The following PRIM2 variants were observed in gnomAD, a reference collection of about 807,000 sequenced individuals.
The protein encoded by PRIM2 is DNA primase large subunit.
In PRIM2, 39 loss-of-function variants were observed where a neutral mutation model predicts 67.3. The ratio of observed to expected loss-of-function variants is 0.58; its 90% CI spans 0.45 to 0.76. The LOEUF (loss-of-function observed/expected upper bound fraction) is 0.76, where lower values mean the gene tolerates loss of function less well. Among genes scored for constraint, PRIM2 ranks in the 30% least tolerant of loss-of-function variants. PRIM2 has a pLI of 0.00. For synonymous variants in PRIM2, 143 were observed against 198.7 expected, an observed-to-expected ratio of 0.72 and a Z score of 2.36; for missense variants, 398 against 598.7, an observed-to-expected ratio of 0.66 and a Z score of 3.50.
chr6:57,354,420 G>A (rs557595232), intron 5 of PRIM2, among the ~76,000 whole-genome samples: 59 of 152,198 alleles, frequency 3.9e-4, no homozygotes, highest in Admixed American at 2.2e-3. Context: ...ATGAAATTGA[G>A]CTTAATTTGT....
intron 10 of PRIM2, among the ~76,000 whole-genome samples, chr6:57,591,688 G>A (rs1367442125): frequency 5.3e-5 from 8 of 152,192 alleles, no homozygotes; most frequent in African/African-American, 9.7e-5. Flanking sequence ...TGGCGAGATC[G>A]TGGAGAAAAG....
At chr6:57,541,152 C>A (rs1444205282) in intron 10 of PRIM2, among the ~76,000 whole-genome samples, 4 of 152,174 alleles carry the variant, frequency 2.6e-5, no homozygotes, top group African/African-American at 9.7e-5. Flanking sequence ...GGTTGAGTGC[C>A]ATGTCAGACA....
At chr6:57,273,272 C>T in the PRIM2 span, among the ~76,000 whole-genome samples, 20 of 152,318 alleles carry the variant, frequency 1.3e-4, no homozygotes, top group East Asian at 3.9e-4. Context: ...ACTGATCAGA[C>T]GCAGATTTGG....
intron 10 of PRIM2, among the ~76,000 whole-genome samples, chr6:57,550,567 T>C (rs1775382328): frequency 6.6e-6 from 1 of 152,208 alleles, no homozygotes; most frequent in Non-Finnish European, 1.5e-5. Flanking sequence ...AAATACTTTT[T>C]AATTCTTAAA....
In PRIM2 at chr6:57,645,337, A is replaced by T. The variant is rs1198422194; in HGVS notation, c.1300-591A>T. On this transcript the variant is annotated intron_variant, in intron 13 of 13. Transcript: ENST00000615550. ...CAATGTCATTCACACACACACACAC[A>T]CACACACACACACACACACACACAC... is the stretch of plus-strand genomic sequence containing the variant. Among the ~76,000 whole-genome samples the T allele has an allele frequency of 4.7e-5, 7 of 148,246 alleles. No homozygotes were observed. The East Asian group carries it at 1.4e-3, about 30-fold the overall frequency.
At chr6:57,290,194 T>C in the PRIM2 span, among the ~76,000 whole-genome samples, 1 of 150,096 alleles carries the variant, frequency 6.7e-6, no homozygotes, top group Admixed American at 6.6e-5. Flanking sequence ...TTAAATCCAC[T>C]GCAGTCTCTG....
intron 10 of PRIM2, among the ~76,000 whole-genome samples, chr6:57,571,019 A>G (rs1318207194): frequency 7.9e-5 from 12 of 152,340 alleles, no homozygotes; most frequent in South Asian, 2.1e-4. Context: ...TTTGATTTAC[A>G]TAATGATAAA....
intron 12 of PRIM2, among the ~76,000 whole-genome samples, chr6:57,613,642 A>G (rs1776703444): frequency 1.3e-5 from 2 of 152,104 alleles, no homozygotes; most frequent in African/African-American, 2.4e-5. Context: ...GATCTGGTGG[A>G]AGACATGACA....
chr6:57,426,164 C>T (rs1444585747), intron 7 of PRIM2, among the ~76,000 whole-genome samples: 2 of 152,122 alleles, frequency 1.3e-5, no homozygotes, highest in Non-Finnish European at 2.9e-5. Flanking sequence ...ATACACTCAT[C>T]ATATAAGTAT....
At chr6:57,278,325 A>T in the PRIM2 span, among the ~76,000 whole-genome samples, 6 of 150,808 alleles carry the variant, frequency 4.0e-5, no homozygotes, top group Non-Finnish European at 5.9e-5. Flanking sequence ...AGACTGTTTA[A>T]AAAAAAAAAT....
At chr6:57,582,089 T>G (rs1407035149) in intron 10 of PRIM2, among the ~76,000 whole-genome samples, 1 of 152,200 alleles carries the variant, frequency 6.6e-6, no homozygotes, top group Admixed American at 6.5e-5. Flanking sequence ...CCTCCCAAAG[T>G]GCTGGGATTA....
At chr6:57,645,314 A>G (rs1483600492) in intron 13 of PRIM2, among the ~76,000 whole-genome samples, 4 of 120,130 alleles carry the variant, frequency 3.3e-5, no homozygotes, top group South Asian at 2.9e-4. Context: ...CTAACATACA[A>G]TGTCATTCAC....
At chr6:57,341,269 A>C (rs956449415) in intron 5 of PRIM2, among the ~76,000 whole-genome samples, 3 of 152,152 alleles carry the variant, frequency 2.0e-5, no homozygotes, top group African/African-American at 7.2e-5. Context: ...TGTTTATTAG[A>C]ACGTCGGTGG....
chr6:57,450,722 G>A (rs1448577914), intron 7 of PRIM2, among the ~76,000 whole-genome samples: 4 of 152,310 alleles, frequency 2.6e-5, no homozygotes, highest in African/African-American at 9.6e-5. Context: ...GATTTATAAA[G>A]CATGTGCTTT....
chr6:57,591,507 T>G (rs1301254656), intron 10 of PRIM2, among the ~76,000 whole-genome samples: 3 of 152,178 alleles, frequency 2.0e-5, no homozygotes, highest in Non-Finnish European at 4.4e-5. Flanking sequence ...TGAGTAATAA[T>G]GAGGTCACTT....
At chr6:57,636,262 C>G (rs1411260007) in intron 13 of PRIM2, among the ~76,000 whole-genome samples, 1 of 152,156 alleles carries the variant, frequency 6.6e-6, no homozygotes, top group African/African-American at 2.4e-5. Flanking sequence ...TATTTCCAAA[C>G]AGAGTAAAGG....
At chr6:57,380,029 T>C in intron 6 of PRIM2, 33 bp downstream of exon 6, 1 of 1,512,558 alleles carries the variant, frequency 6.6e-7, no homozygotes, top group Middle Eastern at 1.7e-4. Context: ...TCCTAGGTTT[T>C]GTTAAATATG....
intron 5 of PRIM2, among the ~76,000 whole-genome samples, chr6:57,369,940 A>G (rs1769489237): frequency 6.6e-6 from 1 of 152,230 alleles, no homozygotes; most frequent in South Asian, 2.1e-4. Flanking sequence ...ACCATGTACT[A>G]AGGGTGTGCT....
chr6:57,401,662 T>G (rs551064728), intron 7 of PRIM2, among the ~76,000 whole-genome samples: 1 of 152,282 alleles, frequency 6.6e-6, no homozygotes, highest in Non-Finnish European at 1.5e-5. Flanking sequence ...ACCTTAGTAG[T>G]GTTTGTGCCA....
Sources: gnomAD v4.1 joint callset for allele counts (sites outside exome capture counted in the v4.1 genomes callset) on GRCh38, gnomAD v4.1.1 for gene constraint, MANE v1.5 for transcripts, NCBI Gene and HGNC (gene_info 2026-07-23, HGNC 2026-07-21) for gene names.